The following TBC1D5 variants were observed in gnomAD, a reference collection of about 807,000 sequenced individuals.
TBC1D5 encodes TBC1 domain family member 5.
TBC1D5 carries 75 observed loss-of-function variants against 100.3 expected under a neutral mutation model. The observed-to-expected ratio is 0.75, with a 90% CI of 0.62 to 0.91. The LOEUF (loss-of-function observed/expected upper bound fraction) is 0.91, where lower values mean the gene tolerates loss of function less well. TBC1D5 is among the 40% of genes least tolerant of loss of function. The probability of loss-of-function intolerance (pLI) is 0.00; values close to 1 mark genes in which losing one functional copy is unlikely to be tolerated. For missense variants in TBC1D5, 910 were observed against 942.4 expected, an observed-to-expected ratio of 0.97 and a Z score of 0.45; for synonymous variants, 323 against 325.6, an observed-to-expected ratio of 0.99 and a Z score of 0.09.
In TBC1D5 at chr3:17,182,197, TG is replaced by T. The variant is rs1226152655; in HGVS notation, c.1852+2911del. Among the ~76,000 whole-genome samples the T allele has an allele frequency of 7.9e-5, 12 of 152,292 alleles. No homozygotes were observed. In the East Asian group the frequency reaches 2.3e-3, roughly 29 times the overall value. On this transcript the variant is annotated intron_variant, in intron 19 of 21. Transcript: ENST00000253692. ...GTGCATTTGAAGTGAAATGCATCTG[TG>T]GGCCGTGGAGCCAGGAATTCTTGGT...
chr3:17,609,600 T>C (rs1200835717), intron 2 of TBC1D5, among the ~76,000 whole-genome samples: 1 of 152,202 alleles, frequency 6.6e-6, no homozygotes, highest in East Asian at 1.9e-4. Flanking sequence ...CTTATCTTTT[T>C]TGGGGGTTTG....
At chr3:17,227,047 A>G (rs1440316213) in intron 17 of TBC1D5, among the ~76,000 whole-genome samples, 1 of 151,950 alleles carries the variant, frequency 6.6e-6, no homozygotes, top group Non-Finnish European at 1.5e-5. Context: ...CTCTTAAGAA[A>G]CTCCCAAAAT....
intron 13 of TBC1D5, among the ~76,000 whole-genome samples, chr3:17,358,351 A>AT (rs1389667307): frequency 6.6e-6 from 1 of 151,786 alleles, no homozygotes; most frequent in Non-Finnish European, 1.5e-5. Context: ...GGCCTGGGTA[A>AT]TTTTTTGTAT....
At chr3:17,161,618 C>G (rs1164222638) in intron 21 of TBC1D5, among the ~76,000 whole-genome samples, 5 of 152,214 alleles carry the variant, frequency 3.3e-5, no homozygotes, top group Non-Finnish European at 7.3e-5. Context: ...CATGTGGGAC[C>G]CTGCCATGCA....
intron 1 of TBC1D5, among the ~76,000 whole-genome samples, chr3:17,635,462 C>T (rs890503382): frequency 1.3e-5 from 2 of 152,130 alleles, no homozygotes; most frequent in South Asian, 2.1e-4. Flanking sequence ...AGGTGGATCA[C>T]GTGAGGTCAG....
intron 4 of TBC1D5, among the ~76,000 whole-genome samples, chr3:17,412,121 T>A (rs920303021): frequency 1.3e-5 from 2 of 151,982 alleles, no homozygotes; most frequent in African/African-American, 4.8e-5. Context: ...AAACCAATAA[T>A]AAAATGATTA....
intron 3 of TBC1D5, among the ~76,000 whole-genome samples, chr3:17,459,643 G>A (rs957161987): frequency 6.6e-6 from 1 of 152,018 alleles, no homozygotes; most frequent in African/African-American, 2.4e-5. Context: ...CTCACTTCCA[G>A]TCCCAGCTAC....
At chr3:17,201,524 G>GTCCCTGCCCAAATCTCATTTGGATTTTCA (rs2071458358) in intron 18 of TBC1D5, among the ~76,000 whole-genome samples, 1 of 152,130 alleles carries the variant, frequency 6.6e-6, no homozygotes, top group African/African-American at 2.4e-5. Context: ...TTGGATTTGT[G>GTCCCTGCCCAAATCTCATTTGGATTTTCA]TCCCTGCCCA....
chr3:17,343,307 G>C (rs1166041636), intron 13 of TBC1D5, among the ~76,000 whole-genome samples: 2 of 151,322 alleles, frequency 1.3e-5, no homozygotes, highest in African/African-American at 4.8e-5. Context: ...TTGCATCCCA[G>C]GGATGAAGCC....
At position 17,367,479 on chromosome 3, in the gene TBC1D5, T is replaced by C. The variant is rs976296391; in HGVS notation, c.995+4596A>G. Among the ~76,000 whole-genome samples, 10 of 152,328 alleles carry C rather than the reference T, an allele frequency of 6.6e-5. No homozygotes were observed. The East Asian group carries it at 7.7e-4, about 12-fold the overall frequency. ...TGCAGTCAATATTTTACTTTGCAAA[T>C]TGGTCAGTATGTATTGACAGGTTTA... On this transcript the variant is annotated intron_variant, in intron 13 of 21. Transcript: ENST00000253692.
At chr3:17,302,476 A>AGG (rs201208865) in intron 14 of TBC1D5, among the ~76,000 whole-genome samples, 3 of 151,696 alleles carry the variant, frequency 2.0e-5, no homozygotes, top group African/African-American at 4.8e-5. Context: ...TCTTTTGTTG[A>AGG]GGGGGGGGAT....
At chr3:17,258,565 T>A (rs150759125) in exon 16 of TBC1D5, 11 of 1,612,996 alleles carry the variant, frequency 6.8e-6, no homozygotes, top group Non-Finnish European at 9.3e-6. Flanking sequence ...TTGGATGGAA[T>A]TGATAAGTCA....
chr3:17,167,971 G>C (rs1377556166), intron 19 of TBC1D5, 143 bp from the exon 21 acceptor site: 10 of 632,520 alleles, frequency 1.6e-5, no homozygotes, highest in Non-Finnish European at 1.7e-5. Context: ...TGCAAACTGC[G>C]GATGGGGAAG....
chr3:17,612,537 G>A (rs1471827920), intron 2 of TBC1D5, among the ~76,000 whole-genome samples: 2 of 151,992 alleles, frequency 1.3e-5, no homozygotes, highest in Non-Finnish European at 2.9e-5. Context: ...GGCTGAGGCA[G>A]GAGAATACCT....
At chr3:17,739,253 A>G (rs1028048657) in intron 1 of TBC1D5, 4 of 152,270 alleles carry the variant, frequency 2.6e-5, no homozygotes, top group Non-Finnish European at 5.9e-5. Flanking sequence ...TGCTAACAGG[A>G]CAAAGCTTTC....
chr3:17,446,197 T>C (rs1443026471), intron 3 of TBC1D5, among the ~76,000 whole-genome samples: 1 of 152,184 alleles, frequency 6.6e-6, no homozygotes, highest in Non-Finnish European at 1.5e-5. Context: ...AGACATACTT[T>C]TTATTTTAAG....
intron 16 of TBC1D5, among the ~76,000 whole-genome samples, chr3:17,256,356 G>A (rs561863873): frequency 1.9e-4 from 27 of 143,244 alleles, no homozygotes; most frequent in African/African-American, 6.9e-4. Context: ...CAATCTTCAA[G>A]ATACTTTGCA....
chr3:17,564,431 A>AC (rs2096581145), intron 2 of TBC1D5, among the ~76,000 whole-genome samples: 2 of 152,012 alleles, frequency 1.3e-5, no homozygotes, highest in African/African-American at 2.4e-5. Context: ...ATAAATTACT[A>AC]CCCCCCTTAA....
At chr3:17,734,713 C>T (rs1254728192) in intron 1 of TBC1D5, among the ~76,000 whole-genome samples, 1 of 152,104 alleles carries the variant, frequency 6.6e-6, no homozygotes, top group African/African-American at 2.4e-5. Flanking sequence ...TGTAAAAGGC[C>T]TCTCAAATGG....
Sources: gnomAD v4.1 joint callset for allele counts (sites outside exome capture counted in the v4.1 genomes callset) on GRCh38, gnomAD v4.1.1 for gene constraint, MANE v1.5 for transcripts, NCBI Gene and HGNC (gene_info 2026-07-23, HGNC 2026-07-21) for gene names.